The following RGS3 variants were observed in gnomAD, a reference collection of about 807,000 sequenced individuals.
The protein encoded by RGS3 is regulator of G-protein signalling 3.
Under a neutral mutation model 132.6 loss-of-function variants are expected in RGS3, and 80 were observed. The observed-to-expected ratio is 0.60, with a 90% CI of 0.50 to 0.73. The LOEUF is 0.73. Ranked by LOEUF, RGS3 falls within the 30% of genes least tolerant of loss-of-function variation. RGS3 has a pLI of 0.00. For missense variants in RGS3, 1,382 were observed against 1,530.8 expected, an observed-to-expected ratio of 0.90 and a Z score of 1.62; for synonymous variants, 598 against 620.6, an observed-to-expected ratio of 0.96 and a Z score of 0.54.
chr9:113,566,746 C>A (rs1834029049), intron 19 of RGS3, among the ~76,000 whole-genome samples: 1 of 152,258 alleles, frequency 6.6e-6, no homozygotes, highest in Non-Finnish European at 1.5e-5. Context: ...TGCCCTCAGG[C>A]CTTCTGGCTG....
intron 19 of RGS3, among the ~76,000 whole-genome samples, chr9:113,545,764 T>C (rs1191114913): frequency 6.6e-6 from 1 of 152,224 alleles, no homozygotes. Context: ...TCAAGCTTTT[T>C]ACCTACCCTG....
chr9:113,560,267 C>T (rs527476141), intron 19 of RGS3, among the ~76,000 whole-genome samples: 7 of 152,222 alleles, frequency 4.6e-5, no homozygotes, highest in East Asian at 3.9e-4. Flanking sequence ...GGAAGGGGAA[C>T]GGGCTTACCC....
intron 19 of RGS3, among the ~76,000 whole-genome samples, chr9:113,561,085 G>A (rs1254201671): frequency 1.3e-5 from 2 of 151,998 alleles, no homozygotes; most frequent in African/African-American, 4.8e-5. Flanking sequence ...GTGCAGTGAT[G>A]TGATCTCGGC....
chr9:113,583,646 A>G lies in RGS3; in HGVS notation c.2234A>G (p.Asp745Gly), dbSNP rs545223191. ...AGCCAAGAACCACTGTCCAGCAAAG[A>G]CTCAGCTACCTCTGAAGGATCCCCT... Residue 745 changes from aspartate (D) to glycine (G), a missense_variant, in exon 20 of 25, where the codon GAC (aspartate) becomes GGC (glycine). Asp to Gly is a moderately conservative substitution (Grantham distance 94, BLOSUM62 -1). Transcript: ENST00000350696. 6 of 1,613,850 alleles carry G rather than the reference A, an allele frequency of 3.7e-6. No homozygotes were observed. The African/African-American group carries it at 8.0e-5, about 22-fold the overall frequency.
At chr9:113,535,237 G>A (rs1027226028) in intron 18 of RGS3, among the ~76,000 whole-genome samples, 2 of 151,938 alleles carry the variant, frequency 1.3e-5, no homozygotes, top group African/African-American at 4.8e-5. Context: ...ACAGTGGTGC[G>A]ATCCTGGCTC....
At chr9:113,519,510 C>CAAAAAAAAAAA (rs35813905) in intron 16 of RGS3, among the ~76,000 whole-genome samples, 1 of 99,618 alleles carries the variant, frequency 1.0e-5, no homozygotes, top group Non-Finnish European at 2.2e-5. Context: ...TTACTCACAC[C>CAAAAAAAAAAA]AAAAAAAAAA....
chr9:113,584,756 G>A (rs1835035978), intron 20 of RGS3, among the ~76,000 whole-genome samples: 1 of 152,230 alleles, frequency 6.6e-6, no homozygotes, highest in African/African-American at 2.4e-5. Flanking sequence ...GAGAAATAGA[G>A]TTACAGCCTA....
chr9:113,581,038 G>GGA, intron 19 of RGS3: 1 of 145,840 alleles, frequency 6.9e-6, no homozygotes, highest in Non-Finnish European at 1.5e-5. Flanking sequence ...GGGTCGGGGG[G>GGA]AGGTCTGGCC....
In RGS3 at chr9:113,450,652, G is replaced by A. The variant is rs564765485; in HGVS notation, c.-13+5725G>A. 1.4e-4 allele frequency among the ~76,000 whole-genome samples: 21 copies of A among 152,220 alleles called. No homozygotes were observed. The East Asian group carries it at 3.9e-3, about 28-fold the overall frequency. On this transcript the variant is annotated intron_variant, in intron 1 of 25. Transcript: ENST00000374140. Reference sequence around the variant, plus strand: ...AGAACAGGTGAGCGCAGCAATAGGCGTGCATGAGCTCTCAGAGGGAAAGAA... The same window carrying A: ...AGAACAGGTGAGCGCAGCAATAGGCATGCATGAGCTCTCAGAGGGAAAGAA...
chr9:113,562,161 T>A (rs1347228213), intron 19 of RGS3, among the ~76,000 whole-genome samples: 1 of 152,088 alleles, frequency 6.6e-6, no homozygotes, highest in Admixed American at 6.5e-5. Flanking sequence ...TGCTTACACA[T>A]CCATAAAATG....
intron 7 of RGS3, among the ~76,000 whole-genome samples, chr9:113,489,730 A>G (rs935163717): frequency 6.8e-6 from 1 of 147,606 alleles, no homozygotes; most frequent in Non-Finnish European, 1.5e-5. Flanking sequence ...ATGCCTTGCT[A>G]TGTTGCCCAG....
rs1834707779 is a variant in RGS3, at chr9:113,579,876, C to T, written c.2038-3574C>T. Among the ~76,000 whole-genome samples, 1 of 152,218 alleles carries T rather than the reference C, an allele frequency of 6.6e-6. No individual in the cohort carries two copies. The highest frequency in any genetic ancestry group is 1.5e-5 in the Non-Finnish European group (1 of 68,038). Reference sequence around the variant, plus strand: ...CACATTCCCCAGAGCAGCTTTGACACAGCACAGCTCTGCCTGTGGCATTTC... The same window carrying T: ...CACATTCCCCAGAGCAGCTTTGACATAGCACAGCTCTGCCTGTGGCATTTC... On this transcript the variant is annotated intron_variant, in intron 19 of 24. Transcript: ENST00000350696. This position sits in a 1 kb window ranked among gnomAD's most constrained non-coding sequence, Gnocchi z 4.3.
chr9:113,570,931 C>T (rs755247785), intron 19 of RGS3, among the ~76,000 whole-genome samples: 21 of 152,200 alleles, frequency 1.4e-4, no homozygotes, highest in South Asian at 4.1e-4. Context: ...TCACTGCACC[C>T]GGCCCTTGTC....
intron 19 of RGS3, among the ~76,000 whole-genome samples, chr9:113,548,144 T>C (rs75115075): frequency 1.5e-3 from 221 of 152,290 alleles, no homozygotes; most frequent in African/African-American, 4.9e-3. Flanking sequence ...CTGAGATCAA[T>C]TGATTAACAA....
Position 113,579,286 on chromosome 9 carries a change from G to A in RGS3, c.2038-4164G>A, listed in dbSNP as rs1243227755. On this transcript the variant is annotated intron_variant, in intron 19 of 24. Transcript: ENST00000350696. The surrounding 1 kb of genome is among the most constrained non-coding windows in gnomAD (Gnocchi z 4.3). The stretch of plus-strand genomic sequence containing the variant: ...ACATCCGGTGGGCATCTGGGGCCCA[G>A]GAGCCAAAGCTGGTATGAGTGTGAA... Among the ~76,000 whole-genome samples, 1 of 152,176 alleles carries A rather than the reference G, an allele frequency of 6.6e-6. No individual in the cohort carries two copies. Among genetic ancestry groups the A allele is most frequent in the African/African-American group, 2.4e-5 (1 of 41,444 alleles).
At chr9:113,457,645 G>A (rs940191954), upstream of RGS3, among the ~76,000 whole-genome samples, 1 of 152,170 alleles carries the variant, frequency 6.6e-6, no homozygotes, top group Non-Finnish European at 1.5e-5. Flanking sequence ...TCTCTTGCTG[G>A]GAGCTGGATT....
intron 19 of RGS3, among the ~76,000 whole-genome samples, chr9:113,560,549 C>T (rs1025300680): frequency 2.6e-5 from 4 of 152,206 alleles, no homozygotes; most frequent in African/African-American, 4.8e-5. Flanking sequence ...ATCCCATGGG[C>T]GGGCTGCTCC....
chr9:113,488,119 G>A (rs1830394282), intron 7 of RGS3, among the ~76,000 whole-genome samples: 1 of 152,128 alleles, frequency 6.6e-6, no homozygotes, highest in Admixed American at 6.5e-5. Context: ...CTAGGGAGGG[G>A]AAAACAGACT....
At chr9:113,544,646 A>T (rs1833035408) in intron 19 of RGS3, among the ~76,000 whole-genome samples, 1 of 152,190 alleles carries the variant, frequency 6.6e-6, no homozygotes, top group Non-Finnish European at 1.5e-5. Context: ...TGGAGATGGC[A>T]ACTGGGGTCC....
Sources: allele counts gnomAD v4.1 joint callset (sites outside exome capture counted in the v4.1 genomes callset), GRCh38; gene constraint gnomAD v4.1.1; non-coding constraint Gnocchi (gnomAD v3.1); transcripts MANE v1.5; gene names NCBI Gene and HGNC (gene_info 2026-07-23, HGNC 2026-07-21).